The following ACYP2 variants were observed in gnomAD, a reference collection of about 807,000 sequenced individuals.
The protein encoded by ACYP2 is acylphosphatase-2.
A neutral mutation model predicts 11.2 loss-of-function variants in ACYP2; 12 were observed. The observed-to-expected ratio is 1.08, with a 90% CI of 0.69 to 1.74. ACYP2 has a LOEUF of 1.74. Ranked by LOEUF, ACYP2 falls within the 40% of genes most tolerant of loss-of-function variation. The pLI, the probability that ACYP2 is intolerant of heterozygous loss-of-function variation, is 0.00. For synonymous variants in ACYP2, 43 were observed against 32.2 expected (o/e 1.33, Z -1.13); for missense variants, 134 against 101.9 (o/e 1.31, Z -1.35).
At chr2:54,266,349 G>T (rs1198115788) in intron 6 of ACYP2, among the ~76,000 whole-genome samples, 1 of 151,964 alleles carries the variant, frequency 6.6e-6, no homozygotes, top group Non-Finnish European at 1.5e-5. Context: ...TTGGGGTAGG[G>T]GACAGGAAAA....
intron 2 of ACYP2, among the ~76,000 whole-genome samples, chr2:54,042,466 C>T (rs1326795643): frequency 1.3e-5 from 2 of 152,186 alleles, no homozygotes; most frequent in Admixed American, 6.5e-5. Context: ...TTAAGTTTTT[C>T]CTTAGATTGT....
At chr2:54,044,734 C>G (rs1675425428) in intron 2 of ACYP2, among the ~76,000 whole-genome samples, 1 of 152,134 alleles carries the variant, frequency 6.6e-6, no homozygotes, top group African/African-American at 2.4e-5. Flanking sequence ...GGGAGTAATG[C>G]ATGACACCAC....
intron 4 of ACYP2, among the ~76,000 whole-genome samples, chr2:54,087,417 G>A (rs910367869): frequency 6.6e-6 from 1 of 151,992 alleles, no homozygotes; most frequent in Non-Finnish European, 1.5e-5. Flanking sequence ...GCGCCATCAT[G>A]GCTCTCTGCA....
chr2:54,292,522 T>C (rs895710244), intron 6 of ACYP2, among the ~76,000 whole-genome samples: 1 of 152,198 alleles, frequency 6.6e-6, no homozygotes, highest in Non-Finnish European at 1.5e-5. Flanking sequence ...TTTTTACTTC[T>C]TAAAATGTGA....
Position 54,304,911 on chromosome 2 carries a change from G to C in ACYP2, c.*109G>C. The stretch of plus-strand genomic sequence containing the variant: ...AGGGTGAAAAGGAACTTTCTGTTCT[G>C]AAAGCTAAGCGACTGTACGTGCTAC... On this transcript the variant is annotated 3_prime_UTR_variant, in exon 7 of 7. Transcript: ENST00000607452. The C allele has an allele frequency of 4.6e-6, 2 of 438,622 alleles. No homozygotes were observed. Among genetic ancestry groups the C allele is most frequent in the Non-Finnish European group, 3.9e-6 (1 of 259,286 alleles). The allele number at this position is 438,622 out of a possible 1,614,324, so 27.2% of individuals were successfully genotyped here. A position where few individuals can be genotyped will look rare whatever the true frequency, so the allele number is the denominator to read the frequency against.
intron 2 of ACYP2, among the ~76,000 whole-genome samples, chr2:54,004,449 C>T (rs1471888019): frequency 4.7e-5 from 6 of 127,392 alleles, no homozygotes; most frequent in South Asian, 5.2e-4. Context: ...CTCGCTCTAT[C>T]GCCCAGGCTG....
chr2:54,021,774 A>G (rs1189788442), intron 2 of ACYP2, among the ~76,000 whole-genome samples: 1 of 152,192 alleles, frequency 6.6e-6, no homozygotes, highest in Admixed American at 6.6e-5. Flanking sequence ...GTCATGGAGT[A>G]CAAAAGAAGT....
intron 4 of ACYP2, chr2:54,084,552 A>T (rs935674236): frequency 2.6e-5 from 4 of 152,242 alleles, no homozygotes; most frequent in African/African-American, 9.7e-5. Context: ...TCCACCTCCC[A>T]AAGTGCTGGG....
intron 6 of ACYP2, among the ~76,000 whole-genome samples, chr2:54,156,479 A>G (rs749081621): frequency 9.2e-5 from 14 of 152,046 alleles, no homozygotes; most frequent in Non-Finnish European, 1.8e-4. Context: ...TGTTCTTATT[A>G]TTCAGCTCCC....
chr2:53,987,622 G>T (rs867232249), intron 2 of ACYP2, among the ~76,000 whole-genome samples: 16 of 152,106 alleles, frequency 1.1e-4, no homozygotes, highest in African/African-American at 3.6e-4. Flanking sequence ...AGAGCAATCC[G>T]GTTTCTCTGC....
intron 2 of ACYP2, among the ~76,000 whole-genome samples, chr2:53,974,323 T>C (rs1671357538): frequency 6.6e-6 from 1 of 152,194 alleles, no homozygotes; most frequent in Non-Finnish European, 1.5e-5. Context: ...CATTGACCTT[T>C]AGAAGCAAAT....
intron 6 of ACYP2, among the ~76,000 whole-genome samples, chr2:54,222,549 CAAAAA>C (rs10607204): frequency 9.4e-6 from 1 of 106,502 alleles, no homozygotes; most frequent in Admixed American, 9.6e-5. Context: ...GACTCTGTCT[CAAAAA>C]AAAAAAAAAA....
At chr2:54,103,866 A>G (rs938623997) in intron 4 of ACYP2, among the ~76,000 whole-genome samples, 1 of 152,228 alleles carries the variant, frequency 6.6e-6, no homozygotes, top group South Asian at 2.1e-4. Context: ...ATAGAGCAGA[A>G]TAAGCCCCTC....
At chr2:54,196,771 A>G (rs1054690709) in intron 6 of ACYP2, among the ~76,000 whole-genome samples, 8 of 152,286 alleles carry the variant, frequency 5.3e-5, no homozygotes, top group African/African-American at 1.9e-4. Flanking sequence ...CCCAGTGGGG[A>G]TGAAATCGCC....
chr2:54,290,557 G>C (rs533167645), intron 6 of ACYP2, among the ~76,000 whole-genome samples: 5 of 150,182 alleles, frequency 3.3e-5, no homozygotes, highest in Non-Finnish European at 7.4e-5. Context: ...AAAAACTAGG[G>C]TGGGGACATA....
intron 4 of ACYP2, among the ~76,000 whole-genome samples, chr2:54,075,538 C>G (rs11677951): frequency 0.12 from 18,622 of 149,614 alleles, 1,174 homozygotes; most frequent in Non-Finnish European, 0.14. Context: ...AAAGGGTGGA[C>G]ACGGTGGTTC....
intron 2 of ACYP2, chr2:54,029,470 T>G (rs1165508998): frequency 1.8e-5 from 6 of 330,744 alleles, no homozygotes; most frequent in Admixed American, 3.9e-5. Flanking sequence ...CACATATATG[T>G]GTATATATGT....
chr2:54,224,783 G>A (rs897224814), intron 6 of ACYP2, among the ~76,000 whole-genome samples: 4 of 152,136 alleles, frequency 2.6e-5, no homozygotes, highest in Admixed American at 2.6e-4. Context: ...CTTCTTATTC[G>A]TTATCTTTTA....
intron 4 of ACYP2, among the ~76,000 whole-genome samples, chr2:54,078,351 A>T (rs1677454462): frequency 7.9e-6 from 1 of 127,086 alleles, no homozygotes; most frequent in Non-Finnish European, 1.7e-5. Flanking sequence ...ATATCTTCCT[A>T]AAAAAAAAAA....
Sources: gnomAD v4.1 joint callset for allele counts (sites outside exome capture counted in the v4.1 genomes callset) on GRCh38, gnomAD v4.1.1 for gene constraint, MANE v1.5 for transcripts, NCBI Gene and HGNC (gene_info 2026-07-23, HGNC 2026-07-21) for gene names.